EXD3: variants seen among roughly 807,000 people sequenced by gnomAD.
EXD3 encodes the protein exonuclease 3'-5' domain containing 3, also known as exonuclease mut-7 homolog.
A neutral mutation model predicts 98.0 loss-of-function variants in EXD3; 92 were observed. The ratio of observed to expected loss-of-function variants is 0.94; its 90% CI spans 0.79 to 1.12. EXD3 has a LOEUF of 1.12. Among genes scored for constraint, EXD3 ranks in the 50% most tolerant of loss-of-function variants. EXD3 has a pLI of 0.00. For synonymous variants in EXD3, 569 were observed against 526.0 expected, an observed-to-expected ratio of 1.08 and a Z score of -1.12; for missense variants, 1,222 against 1,191.6, an observed-to-expected ratio of 1.03 and a Z score of -0.38.
At position 137,371,351 on chromosome 9, in the gene EXD3, G is replaced by A. The variant is rs974256480; in HGVS notation, c.462+1554C>T. Among the ~76,000 whole-genome samples, 3 of 152,204 alleles carry A rather than the reference G, an allele frequency of 2.0e-5. No individual in the cohort carries two copies. Among genetic ancestry groups the A allele is most frequent in the African/African-American group, 7.2e-5 (3 of 41,454 alleles). On this transcript the variant is annotated intron_variant, in intron 5 of 21. Coordinates refer to ENST00000340951, the MANE Select transcript of EXD3 (RefSeq NM_017820.5). The surrounding 1 kb of genome is among the most constrained non-coding windows in gnomAD (Gnocchi z 8.0). The stretch of plus-strand genomic sequence containing the variant: ...CACCCGCCGCGAGACGACGGCCCCG[G>A]GCGTGGCAGGTGACAGCGCCAGGGG...
intron 19 of EXD3, among the ~76,000 whole-genome samples, chr9:137,316,347 C>T (rs563073551): frequency 3.9e-5 from 6 of 152,062 alleles, no homozygotes; most frequent in Non-Finnish European, 5.9e-5. Flanking sequence ...GCCTGCCCGT[C>T]CAGGGTCGCA....
chr9:137,417,041 C>T (rs1275359716), intron 1 of EXD3, among the ~76,000 whole-genome samples: 3 of 152,252 alleles, frequency 2.0e-5, no homozygotes, highest in Admixed American at 6.5e-5. Context: ...TCCCTGTGGG[C>T]CTCAGAACAG....
intron 1 of EXD3, among the ~76,000 whole-genome samples, chr9:137,397,671 C>T (rs1192881095): frequency 2.0e-5 from 3 of 152,138 alleles, no homozygotes; most frequent in African/African-American, 7.2e-5. Flanking sequence ...GAACAGAAAA[C>T]ATGTTCAAAC....
Position 137,349,753 on chromosome 9 carries a change from G to A in EXD3, c.1495-222C>T, listed in dbSNP as rs985568315. On this transcript the variant is annotated intron_variant, in intron 14 of 21. Coordinates refer to ENST00000340951, the MANE Select transcript of EXD3 (RefSeq NM_017820.5). The surrounding 1 kb of genome is among the most constrained non-coding windows in gnomAD (Gnocchi z 7.4). The stretch of plus-strand genomic sequence containing the variant: ...CTGCACACCAGGGCCAGCTCCGGGG[G>A]CCCTGGTCAGCAGTCCCACGGTAAC... 2.4e-4 allele frequency among the ~76,000 whole-genome samples: 36 copies of A among 152,208 alleles called. No individual in the cohort carries two copies. Among genetic ancestry groups the A allele is most frequent in the South Asian group, 4.1e-4 (2 of 4,822 alleles).
rs1423267166 is a variant in EXD3, at chr9:137,393,177, A to C, written c.55+2126T>G. On this transcript the variant is annotated intron_variant, in intron 2 of 21. Coordinates refer to ENST00000340951, the MANE Select transcript of EXD3 (RefSeq NM_017820.5). This position sits in a 1 kb window ranked among gnomAD's most constrained non-coding sequence, Gnocchi z 4.6. ...GGGGCCCTGCTAGCTGGGGTGTTGC[A>C]CTTTGAAAACATCCCACTCTGCTTA... is the stretch of plus-strand genomic sequence containing the variant. The C allele has an allele frequency of 7.1e-6, 5 of 702,264 alleles. No individual in the cohort carries two copies. The highest frequency in any genetic ancestry group is 1.3e-5 in the Non-Finnish European group (5 of 384,874). The allele number at this position is 702,264 out of a possible 1,614,324, so 43.5% of individuals were successfully genotyped here. A position where few individuals can be genotyped will look rare whatever the true frequency, so the allele number is the denominator to read the frequency against.
At chr9:137,390,367 G>A (rs1376841334) in intron 2 of EXD3, among the ~76,000 whole-genome samples, 2 of 151,260 alleles carry the variant, frequency 1.3e-5, no homozygotes, top group African/African-American at 4.9e-5. Flanking sequence ...GGGAGGCGGA[G>A]GTTGTGGTGA....
rs377097441 is a variant in EXD3 at position 137,365,778 on chromosome 9, AAC to A, written c.656+713_656+714del. On this transcript the variant is annotated intron_variant, in intron 7 of 21. Transcript: ENST00000340951. ...TGCACACACACACCACATGCACGAA[AAC>A]ACACGTACACCTGCAGGCACACACA... 8.4e-4 allele frequency: 271 copies of A among 322,198 alleles called. 2 individuals carry two copies. Among genetic ancestry groups the A allele is most frequent in the African/African-American group, 4.4e-3 (189 of 43,166 alleles). The allele number at this position is 322,198 out of a possible 1,614,324, so 20.0% of individuals were successfully genotyped here.
At chr9:137,406,871 C>G (rs1465851173) in intron 1 of EXD3, among the ~76,000 whole-genome samples, 7 of 152,120 alleles carry the variant, frequency 4.6e-5, no homozygotes, top group Non-Finnish European at 7.4e-5. Context: ...CCCGTCCCCC[C>G]TCAGCAGGCT....
At chr9:137,414,803 T>C (rs1588443752) in intron 1 of EXD3, among the ~76,000 whole-genome samples, 3 of 151,730 alleles carry the variant, frequency 2.0e-5, no homozygotes, top group African/African-American at 7.3e-5. Flanking sequence ...TCCAGGGGGG[T>C]GCTGGCATGT....
At chr9:137,354,043 C>G (rs762318898) in intron 10 of EXD3, 2 of 1,200,224 alleles carry the variant, frequency 1.7e-6, no homozygotes, top group Non-Finnish European at 2.1e-6. Flanking sequence ...ACTCTCAGCC[C>G]CCACCCGGCC....
rs772669037 is a variant in EXD3, at chr9:137,347,060, C to T, written c.1998+1011G>A. On this transcript the variant is annotated intron_variant, in intron 17 of 21. Transcript: ENST00000340951. This position sits in a 1 kb window ranked among gnomAD's most constrained non-coding sequence, Gnocchi z 4.2. The stretch of plus-strand genomic sequence containing the variant: ...TGAACCCCTGACCTTGTGATCCACC[C>T]GCCTCGGCCTCCCAGAGTGCAGGGA... 9.9e-5 allele frequency among the ~76,000 whole-genome samples: 15 copies of T among 152,264 alleles called. No homozygotes were observed. Among genetic ancestry groups the T allele is most frequent in the Middle Eastern group, 3.4e-3 (1 of 294 alleles).
At chr9:137,416,495 G>A (rs1011523180) in intron 1 of EXD3, among the ~76,000 whole-genome samples, 1 of 152,226 alleles carries the variant, frequency 6.6e-6, no homozygotes. Flanking sequence ...ACATCCGGCC[G>A]GCCCAGCTGA....
chr9:137,416,038 G>T (rs527370817), intron 1 of EXD3, among the ~76,000 whole-genome samples: 1 of 152,132 alleles, frequency 6.6e-6, no homozygotes, highest in Non-Finnish European at 1.5e-5. Flanking sequence ...CATGAACAAA[G>T]AAAAAACCAT....
intron 19 of EXD3, among the ~76,000 whole-genome samples, chr9:137,314,646 C>T (rs940484248): frequency 2.6e-4 from 39 of 152,088 alleles, no homozygotes; most frequent in Non-Finnish European, 2.9e-5. Context: ...GCAGTTCCCA[C>T]GAACCCCAGC....
At chr9:137,316,998 A>G (rs559099984) in intron 19 of EXD3, among the ~76,000 whole-genome samples, 2 of 152,166 alleles carry the variant, frequency 1.3e-5, no homozygotes, top group East Asian at 3.9e-4. Flanking sequence ...CAGCAAACCC[A>G]TGTCATGAGG....
intron 17 of EXD3, among the ~76,000 whole-genome samples, chr9:137,328,205 A>G (rs796164755): frequency 6.6e-6 from 1 of 150,942 alleles, no homozygotes; most frequent in Non-Finnish European, 1.5e-5. Context: ...CAATTAATAT[A>G]CTCCCATATG....
chr9:137,408,281 G>T (rs967225933), intron 1 of EXD3, among the ~76,000 whole-genome samples: 1 of 152,054 alleles, frequency 6.6e-6, no homozygotes, highest in Admixed American at 6.5e-5. Context: ...GGGCATGGTC[G>T]CTCACGCCTG....
In EXD3 at chr9:137,373,586, G is replaced by A. The variant is rs367771083; in HGVS notation, c.134C>T (p.Ala45Val). 32 of 1,601,072 alleles carry A rather than the reference G, an allele frequency of 2.0e-5. No individual in the cohort carries two copies. Among genetic ancestry groups the A allele is most frequent in the Non-Finnish European group, 2.4e-5 (28 of 1,174,744 alleles). The part of the protein sequence containing the change: ...TRERKQLREE[A>V]WRGFAALDDP... ...GTCCAAGGCAGCAAACCCCCGCCAG[G>A]CTTCCTCCCGGAGCTGTGGAGACAC... is the stretch of plus-strand genomic sequence containing the variant. Residue 45 changes from alanine to valine, a missense_variant, in exon 4 of 22, where the codon GCC becomes GTC. Ala to Val is a moderately conservative substitution (Grantham distance 64). Transcript: ENST00000340951.
chr9:137,375,277 G>A (rs921167188), intron 3 of EXD3, among the ~76,000 whole-genome samples: 1 of 151,988 alleles, frequency 6.6e-6, no homozygotes, highest in Non-Finnish European at 1.5e-5. Flanking sequence ...AAAGTGCTGG[G>A]ATTACAGGCG....
Sources: gnomAD v4.1 joint callset for allele counts (sites outside exome capture counted in the v4.1 genomes callset) on GRCh38, gnomAD v4.1.1 for gene constraint, Gnocchi (gnomAD v3.1) non-coding constraint, MANE v1.5 for transcripts, NCBI Gene and HGNC (gene_info 2026-07-23, HGNC 2026-07-21) for gene names.